BICC1: variants seen among roughly 807,000 people sequenced by gnomAD.
The protein encoded by BICC1 is protein bicaudal C homolog 1.
BICC1 carries 43 observed loss-of-function variants against 111.0 expected under a neutral mutation model. That is an observed-to-expected ratio of 0.39 (90% confidence interval 0.30 to 0.50). The LOEUF (loss-of-function observed/expected upper bound fraction) is 0.50, where lower values mean the gene tolerates loss of function less well. Ranked by LOEUF, BICC1 falls within the 20% of genes least tolerant of loss-of-function variation. BICC1 has a pLI of 0.88. For synonymous variants in BICC1, 467 were observed against 434.4 expected (o/e 1.07, Z -0.93); for missense variants, 1,091 against 1,203.2 (o/e 0.91, Z 1.38).
At chr10:58,645,385 C>T (rs1001608373) in intron 2 of BICC1, among the ~76,000 whole-genome samples, 3 of 111,898 alleles carry the variant, frequency 2.7e-5, no homozygotes, top group Admixed American at 1.4e-4. Flanking sequence ...CCAGCCTGGG[C>T]GACAGAGCGA....
intron 1 of BICC1, among the ~76,000 whole-genome samples, chr10:58,604,188 A>G (rs140684582): frequency 6.6e-6 from 1 of 152,262 alleles, no homozygotes; most frequent in Non-Finnish European, 1.5e-5. Context: ...TAGTCCTAGT[A>G]TTGTGTGCCC....
At chr10:58,594,951 C>T (rs1389822901) in intron 1 of BICC1, among the ~76,000 whole-genome samples, 1 of 152,142 alleles carries the variant, frequency 6.6e-6, no homozygotes, top group East Asian at 1.9e-4. Flanking sequence ...TCAGACCCAT[C>T]AGTGTGCTGT....
chr10:58,579,903 T>C (rs1277091627), intron 1 of BICC1, among the ~76,000 whole-genome samples: 2 of 152,132 alleles, frequency 1.3e-5, no homozygotes, highest in African/African-American at 4.8e-5. Flanking sequence ...ATACTCTAGC[T>C]TACTCTCAGT....
At chr10:58,591,366 T>C (rs1417733210) in intron 1 of BICC1, among the ~76,000 whole-genome samples, 1 of 152,176 alleles carries the variant, frequency 6.6e-6, no homozygotes, top group Admixed American at 6.5e-5. Context: ...CAAAATACCA[T>C]CAACTGGGTG....
intron 1 of BICC1, among the ~76,000 whole-genome samples, chr10:58,591,399 C>T (rs1844613903): frequency 1.3e-5 from 2 of 152,150 alleles, no homozygotes; most frequent in South Asian, 4.1e-4. Flanking sequence ...CAAAAATTCC[C>T]ACTTCTGGAG....
intron 1 of BICC1, among the ~76,000 whole-genome samples, chr10:58,561,294 A>G (rs1435478062): frequency 6.6e-6 from 1 of 152,042 alleles, no homozygotes; most frequent in Non-Finnish European, 1.5e-5. Context: ...TTATCATTAT[A>G]TAATGACTTT....
chr10:58,758,780 T>C (rs1249878976), intron 3 of BICC1, among the ~76,000 whole-genome samples: 1 of 152,190 alleles, frequency 6.6e-6, no homozygotes, highest in Non-Finnish European at 1.5e-5. Flanking sequence ...CAAGAGATTT[T>C]TAAAGCTCTG....
intron 2 of BICC1, among the ~76,000 whole-genome samples, chr10:58,692,575 T>C (rs149470977): frequency 2.6e-5 from 4 of 152,212 alleles, no homozygotes; most frequent in African/African-American, 4.8e-5. Context: ...GTACACTCTA[T>C]TTAAATGTTG....
intron 3 of BICC1, among the ~76,000 whole-genome samples, chr10:58,729,260 T>G (rs576696083): frequency 1.3e-5 from 2 of 152,360 alleles, no homozygotes; most frequent in Non-Finnish European, 2.9e-5. Context: ...TCAATTTTCA[T>G]AGCTAGATCT....
intron 1 of BICC1, among the ~76,000 whole-genome samples, chr10:58,549,617 T>A (rs75517080): frequency 2.2e-5 from 1 of 44,644 alleles, no homozygotes; most frequent in East Asian, 8.7e-4. Flanking sequence ...TCTGTTCAGA[T>A]TTTTTTTTTT....
intron 1 of BICC1, among the ~76,000 whole-genome samples, chr10:58,563,903 C>A (rs201668162): frequency 3.3e-5 from 5 of 151,848 alleles, no homozygotes; most frequent in Admixed American, 3.3e-4. Flanking sequence ...TTTGAGTACT[C>A]AAACACATAT....
intron 3 of BICC1, among the ~76,000 whole-genome samples, chr10:58,711,752 T>C (rs1026965394): frequency 6.6e-6 from 1 of 152,178 alleles, no homozygotes; most frequent in African/African-American, 2.4e-5. Context: ...GGTCTCAGCT[T>C]TTCAGTTATC....
chr10:58,645,205 C>T (rs928669530), intron 2 of BICC1, among the ~76,000 whole-genome samples: 19 of 151,768 alleles, frequency 1.3e-4, no homozygotes, highest in African/African-American at 4.6e-4. Context: ...GTCAGGAGAT[C>T]GAGACCATCC....
chr10:58,766,915 G>C (rs956238811), intron 3 of BICC1, among the ~76,000 whole-genome samples: 27 of 151,870 alleles, frequency 1.8e-4, no homozygotes, highest in Admixed American at 1.8e-3. Flanking sequence ...GAGGAGATTA[G>C]CATGTCTGAG....
intron 1 of BICC1, among the ~76,000 whole-genome samples, chr10:58,534,125 A>G (rs1842762574): frequency 6.6e-6 from 1 of 151,806 alleles, no homozygotes; most frequent in South Asian, 2.1e-4. Context: ...AGAGGTGTTC[A>G]TGTTTATATC....
At chr10:58,749,006 A>G (rs1309858542) in intron 3 of BICC1, among the ~76,000 whole-genome samples, 4 of 152,276 alleles carry the variant, frequency 2.6e-5, no homozygotes, top group Admixed American at 1.3e-4. Context: ...TAAGTTGTCT[A>G]CTTAATACTC....
In BICC1 at chr10:58,652,183, A is replaced by C. The variant is rs1326168500; in HGVS notation, c.237+31282A>C. ...TATAACATGAAGAAACTAGATGAAC[A>C]TAACCAATCTATCATCTCTAGAGTT... On this transcript the variant is annotated intron_variant, in intron 2 of 20. Transcript: ENST00000373886. 2.6e-5 allele frequency among the ~76,000 whole-genome samples: 4 copies of C among 152,324 alleles called. No individual in the cohort carries two copies. In the East Asian group the frequency reaches 7.7e-4, roughly 29 times the overall value.
At chr10:58,691,184 A>T (rs143775975) in intron 2 of BICC1, among the ~76,000 whole-genome samples, 295 of 152,312 alleles carry the variant, frequency 1.9e-3, no homozygotes, top group Non-Finnish European at 3.6e-3. Flanking sequence ...TAGCAAATTA[A>T]GTATACAGTA....
At chr10:58,801,128 G>A (rs1339857250) in intron 14 of BICC1, 82 bp downstream of exon 14, 1 of 1,226,750 alleles carries the variant, frequency 8.2e-7, no homozygotes, top group Non-Finnish European at 1.1e-6. Flanking sequence ...AGTACTCTTT[G>A]ATTCAAGTCA....
Sources: allele counts gnomAD v4.1 joint callset (sites outside exome capture counted in the v4.1 genomes callset), GRCh38; gene constraint gnomAD v4.1.1; transcripts MANE v1.5; gene names NCBI Gene and HGNC (gene_info 2026-07-23, HGNC 2026-07-21).